ENTREP2: variants seen among roughly 807,000 people sequenced by gnomAD.
ENTREP2 encodes the protein protein ENTREP2.
chr15:29,352,956 A>G, the ENTREP2 span, among the ~76,000 whole-genome samples: 8 of 152,058 alleles, frequency 5.3e-5, no homozygotes, highest in African/African-American at 1.4e-4. Context: ...TCTTGTTTCT[A>G]TTAGGTTAAA....
At chr15:29,579,686 A>ATTTTTTTTTTTTTTTTTT in the ENTREP2 span, among the ~76,000 whole-genome samples, 2 of 55,822 alleles carry the variant, frequency 3.6e-5, 1 homozygote, top group African/African-American at 1.8e-4. Flanking sequence ...CACCCAGCTA[A>ATTTTTTTTTTTTTTTTTT]TTTTTTTTTT....
chr15:29,549,294 G>T, the ENTREP2 span, among the ~76,000 whole-genome samples: 1 of 144,730 alleles, frequency 6.9e-6, no homozygotes, highest in Non-Finnish European at 1.5e-5. Context: ...TTTTGAGACG[G>T]AGTCTCACTC....
chr15:29,495,614 T>G, the ENTREP2 span, among the ~76,000 whole-genome samples: 1 of 148,106 alleles, frequency 6.8e-6, no homozygotes, highest in Non-Finnish European at 1.5e-5. Context: ...TATTTTTTCT[T>G]TTTTTGCATG....
the ENTREP2 span, among the ~76,000 whole-genome samples, chr15:29,444,312 A>G: frequency 1.3e-5 from 2 of 152,166 alleles, no homozygotes; most frequent in Non-Finnish European, 2.9e-5. Flanking sequence ...GGCTCAGCAA[A>G]TCTACATTTT....
the ENTREP2 span, among the ~76,000 whole-genome samples, chr15:29,584,984 C>T: frequency 7.3e-5 from 9 of 122,788 alleles, no homozygotes; most frequent in East Asian, 1.8e-3. Context: ...AAACAGTAAA[C>T]TCAAAGATCG....
At chr15:29,601,373 T>G in the ENTREP2 span, among the ~76,000 whole-genome samples, 1 of 152,138 alleles carries the variant, frequency 6.6e-6, no homozygotes, top group Admixed American at 6.5e-5. Context: ...CCTTTGTGCT[T>G]TCAATGTCAT....
the ENTREP2 span, among the ~76,000 whole-genome samples, chr15:29,493,155 A>G: frequency 2.0e-5 from 1 of 49,726 alleles, no homozygotes; most frequent in Admixed American, 3.7e-4. Context: ...TTTTTTTGAG[A>G]CGGAGTCTCG....
the ENTREP2 span, among the ~76,000 whole-genome samples, chr15:29,615,660 G>A: frequency 2.3e-4 from 35 of 152,224 alleles, no homozygotes; most frequent in South Asian, 7.3e-3. Context: ...GAGAGGGGAT[G>A]GGGCAACATC....
chr15:29,519,836 C>T, the ENTREP2 span, among the ~76,000 whole-genome samples: 1 of 152,188 alleles, frequency 6.6e-6, no homozygotes, highest in African/African-American at 2.4e-5. Context: ...TGAAAATAGG[C>T]AGTTCCTGCC....
the ENTREP2 span, among the ~76,000 whole-genome samples, chr15:29,449,679 T>C: frequency 1.4e-4 from 22 of 152,310 alleles, no homozygotes; most frequent in Admixed American, 1.2e-3. Flanking sequence ...TACAACAAAA[T>C]TACACCAAAC....
chr15:29,171,403 C>G, the ENTREP2 span, among the ~76,000 whole-genome samples: 1 of 152,166 alleles, frequency 6.6e-6, no homozygotes, highest in African/African-American at 2.4e-5. Flanking sequence ...CACCCTCACT[C>G]ACATCCTGGA....
At chr15:29,428,845 A>G in the ENTREP2 span, among the ~76,000 whole-genome samples, 1 of 152,186 alleles carries the variant, frequency 6.6e-6, no homozygotes, top group South Asian at 2.1e-4. Flanking sequence ...GGCTGGCCAA[A>G]TAAAAGGTTT....
the ENTREP2 span, among the ~76,000 whole-genome samples, chr15:29,463,921 T>C: frequency 6.6e-6 from 1 of 152,132 alleles, no homozygotes; most frequent in Non-Finnish European, 1.5e-5. Context: ...CGGATAAACC[T>C]TGAGGATGTT....
At chr15:29,386,344 A>G in the ENTREP2 span, among the ~76,000 whole-genome samples, 4 of 151,888 alleles carry the variant, frequency 2.6e-5, no homozygotes, top group African/African-American at 7.3e-5. Flanking sequence ...GCCCCAAAAC[A>G]CTCCCCAAAA....
the ENTREP2 span, among the ~76,000 whole-genome samples, chr15:29,148,986 C>A: frequency 6.6e-6 from 1 of 152,102 alleles, no homozygotes; most frequent in South Asian, 2.1e-4. Context: ...AAGCCAATTT[C>A]CTGCCTCAGC....
the ENTREP2 span, chr15:29,613,950 G>T: frequency 6.4e-6 from 1 of 156,808 alleles, no homozygotes; most frequent in South Asian, 1.8e-4. Flanking sequence ...CTTCTTCCAT[G>T]AATATCCATC....
the ENTREP2 span, among the ~76,000 whole-genome samples, chr15:29,379,667 C>T: frequency 1.6e-4 from 25 of 152,150 alleles, no homozygotes; most frequent in African/African-American, 5.6e-4. Context: ...TTCCCTGGGA[C>T]ACTCCTCAGC....
the ENTREP2 span, among the ~76,000 whole-genome samples, chr15:29,221,082 AT>A: frequency 6.6e-5 from 10 of 152,286 alleles, no homozygotes; most frequent in African/African-American, 2.4e-4. Context: ...CAAGAAGGAA[AT>A]TGTCAAGTGA....
chr15:29,553,006 G>C, the ENTREP2 span, among the ~76,000 whole-genome samples: 1 of 152,186 alleles, frequency 6.6e-6, no homozygotes, highest in Non-Finnish European at 1.5e-5. Flanking sequence ...GTTTCATACT[G>C]TAAACTTGGC....
Sources: gnomAD v4.1 joint callset for allele counts (sites outside exome capture counted in the v4.1 genomes callset) on GRCh38, gnomAD v4.1.1 for gene constraint, MANE v1.5 for transcripts, NCBI Gene and HGNC (gene_info 2026-07-23, HGNC 2026-07-21) for gene names.